IFT25: variants seen among roughly 807,000 people sequenced by gnomAD.
The protein encoded by IFT25 is intraflagellar transport 25.
chr1:53,933,135 CTTTTT>C, the IFT25 span, among the ~76,000 whole-genome samples: 2 of 131,280 alleles, frequency 1.5e-5, no homozygotes, highest in South Asian at 2.3e-4. Context: ...TCCTTTTTCT[CTTTTT>C]TTTTTTTTTT....
the IFT25 span, among the ~76,000 whole-genome samples, chr1:53,941,221 C>T: frequency 6.6e-6 from 1 of 152,002 alleles, no homozygotes; most frequent in Admixed American, 6.6e-5. Context: ...TCTCAAACTC[C>T]TGACCTTGTG....
chr1:53,911,753 G>C, the IFT25 span, among the ~76,000 whole-genome samples: 16 of 152,150 alleles, frequency 1.1e-4, no homozygotes, highest in Admixed American at 6.5e-5. Flanking sequence ...CAGAGTCCTA[G>C]CTCTGTTCCT....
the IFT25 span, among the ~76,000 whole-genome samples, chr1:53,932,434 G>A: frequency 4.6e-5 from 7 of 152,160 alleles, no homozygotes; most frequent in East Asian, 1.2e-3. Context: ...GTTTTGGGGG[G>A]TTTTCTGAAT....
At chr1:53,943,617 G>A in the IFT25 span, among the ~76,000 whole-genome samples, 3 of 152,054 alleles carry the variant, frequency 2.0e-5, no homozygotes, top group Non-Finnish European at 4.4e-5. Context: ...GGTTGGAGAT[G>A]TAGGGAGAGA....
At chr1:53,912,300 C>T in the IFT25 span, among the ~76,000 whole-genome samples, 5 of 152,158 alleles carry the variant, frequency 3.3e-5, no homozygotes, top group African/African-American at 7.2e-5. Context: ...AATAGACCCC[C>T]GGCTTTCCAA....
chr1:53,945,645 TC>T, the IFT25 span: 4 of 151,098 alleles, frequency 2.6e-5, no homozygotes, highest in Non-Finnish European at 4.4e-5. Flanking sequence ...GACCCGCAGC[TC>T]CGCCTGCTCG....
the IFT25 span, chr1:53,930,083 T>G: frequency 1.3e-6 from 2 of 1,577,094 alleles, no homozygotes; most frequent in South Asian, 2.5e-5. Context: ...TACATGTTTG[T>G]GGAAACAAAT....
chr1:53,934,331 C>T, the IFT25 span, among the ~76,000 whole-genome samples: 2 of 152,224 alleles, frequency 1.3e-5, no homozygotes, highest in South Asian at 4.1e-4. Flanking sequence ...AAAGATATTG[C>T]TCCATTGTTG....
chr1:53,938,661 G>A, the IFT25 span, among the ~76,000 whole-genome samples: 27 of 152,082 alleles, frequency 1.8e-4, no homozygotes, highest in Admixed American at 1.8e-3. Context: ...AAGGGTTTTG[G>A]CAAAATAAAC....
chr1:53,915,606 A>T, the IFT25 span, among the ~76,000 whole-genome samples: 15 of 152,222 alleles, frequency 9.9e-5, no homozygotes, highest in Admixed American at 4.6e-4. Flanking sequence ...GAAAGATTTA[A>T]TGTGTTTGTC....
At chr1:53,943,338 A>G in the IFT25 span, among the ~76,000 whole-genome samples, 1 of 152,228 alleles carries the variant, frequency 6.6e-6, no homozygotes, top group African/African-American at 2.4e-5. Flanking sequence ...GATTGGGAAT[A>G]GATAATGAAA....
the IFT25 span, among the ~76,000 whole-genome samples, chr1:53,937,305 GAC>G: frequency 6.6e-6 from 1 of 152,006 alleles, no homozygotes. Flanking sequence ...TTTTAATAGA[GAC>G]AGAGTTTTGC....
chr1:53,916,178 CAAAA>C, the IFT25 span, among the ~76,000 whole-genome samples: 7 of 68,410 alleles, frequency 1.0e-4, no homozygotes, highest in Admixed American at 1.6e-4. Context: ...GACCTGCTCT[CAAAA>C]AAAAAAAAAA....
chr1:53,937,309 G>A, the IFT25 span, among the ~76,000 whole-genome samples: 3 of 151,988 alleles, frequency 2.0e-5, no homozygotes, highest in Non-Finnish European at 4.4e-5. Context: ...AATAGAGACA[G>A]AGTTTTGCCA....
the IFT25 span, chr1:53,928,697 C>T: frequency 2.1e-5 from 8 of 374,108 alleles, no homozygotes; most frequent in Non-Finnish European, 9.6e-6. Flanking sequence ...GGCATTGTTC[C>T]GATTTTTTTG....
At chr1:53,929,920 A>C in the IFT25 span, 1 of 1,364,204 alleles carries the variant, frequency 7.3e-7, no homozygotes. Context: ...TGTTTTGCCA[A>C]AAGTTTACAT....
chr1:53,927,356 C>G, the IFT25 span, among the ~76,000 whole-genome samples: 1 of 152,194 alleles, frequency 6.6e-6, no homozygotes, highest in African/African-American at 2.4e-5. Context: ...AGTCTCCCAG[C>G]TGAGGGTATA....
At chr1:53,927,602 T>G in the IFT25 span, among the ~76,000 whole-genome samples, 1 of 152,212 alleles carries the variant, frequency 6.6e-6, no homozygotes, top group Admixed American at 6.5e-5. Context: ...AGAAGGTACC[T>G]AGAGTCTGAT....
At chr1:53,925,767 A>G in the IFT25 span, among the ~76,000 whole-genome samples, 1 of 152,072 alleles carries the variant, frequency 6.6e-6, no homozygotes, top group Non-Finnish European at 1.5e-5. Flanking sequence ...TATAATTACT[A>G]ACATTTCATC....
Sources: gnomAD v4.1 joint callset for allele counts (sites outside exome capture counted in the v4.1 genomes callset) on GRCh38, gnomAD v4.1.1 for gene constraint, MANE v1.5 for transcripts, NCBI Gene and HGNC (gene_info 2026-07-23, HGNC 2026-07-21) for gene names.